PRDM11: variants seen among roughly 807,000 people sequenced by gnomAD.
PRDM11 encodes the protein PR domain-containing protein 11.
A neutral mutation model predicts 97.8 loss-of-function variants in PRDM11; 20 were observed. The ratio of observed to expected loss-of-function variants is 0.20; its 90% CI spans 0.14 to 0.30. PRDM11 has a LOEUF of 0.30. Ranked by LOEUF, PRDM11 falls within the 10% of genes least tolerant of loss-of-function variation. The pLI, the probability that PRDM11 is intolerant of heterozygous loss-of-function variation, is 1.00. For missense variants in PRDM11, 1,139 were observed against 1,555.2 expected, an observed-to-expected ratio of 0.73 and a Z score of 4.50; for synonymous variants, 599 against 637.7, an observed-to-expected ratio of 0.94 and a Z score of 0.91.
chr11:45,167,435 G>A (rs982852377), intron 1 of PRDM11, among the ~76,000 whole-genome samples: 1 of 152,128 alleles, frequency 6.6e-6, no homozygotes, highest in Admixed American at 6.5e-5. Context: ...AGGATCATCA[G>A]TAGGGATTAC....
upstream of PRDM11, among the ~76,000 whole-genome samples, chr11:45,145,979 C>T (rs2135673300): frequency 6.6e-6 from 1 of 152,320 alleles, no homozygotes; most frequent in Non-Finnish European, 1.5e-5. Flanking sequence ...TTTTCCAAGC[C>T]AGCCAGGGAC....
At chr11:45,144,348 T>C (rs745897022), upstream of PRDM11, among the ~76,000 whole-genome samples, 2 of 152,216 alleles carry the variant, frequency 1.3e-5, no homozygotes, top group Non-Finnish European at 2.9e-5. Context: ...AGTCCCAGTG[T>C]GACGCCTGAA....
upstream of PRDM11, among the ~76,000 whole-genome samples, chr11:45,141,704 G>A (rs953987447): frequency 5.9e-5 from 9 of 152,152 alleles, no homozygotes; most frequent in Non-Finnish European, 1.5e-5. Flanking sequence ...AGCTCTGTTG[G>A]ATCCAGCCAC....
At chr11:45,191,564 G>A (rs1235007907) in intron 4 of PRDM11, among the ~76,000 whole-genome samples, 2 of 152,102 alleles carry the variant, frequency 1.3e-5, no homozygotes, top group African/African-American at 4.8e-5. Flanking sequence ...TCATTTTGAT[G>A]TTTAAATTGC....
chr11:45,194,685 G>A (rs1853049587), intron 4 of PRDM11, among the ~76,000 whole-genome samples: 2 of 128,812 alleles, frequency 1.6e-5, no homozygotes, highest in South Asian at 2.8e-4. Context: ...TGCAAGCTCC[G>A]CCTCCCGGGT....
chr11:45,146,918 C>T (rs1215528240), intron 1 of PRDM11, 41 bp downstream of exon 1: 1 of 146,234 alleles, frequency 6.8e-6, no homozygotes, highest in Non-Finnish European at 1.5e-5. Context: ...TTGAAAATGG[C>T]TTCGGAGAGC....
intron 1 of PRDM11, among the ~76,000 whole-genome samples, chr11:45,139,288 G>GTT (rs1852944867): frequency 6.6e-6 from 1 of 152,202 alleles, no homozygotes; most frequent in Non-Finnish European, 1.5e-5. Flanking sequence ...TGGGCAAAAT[G>GTT]TTTTAGGCAG....
At position 45,101,664 on chromosome 11, in the gene PRDM11, G is replaced by A. The variant is rs1056773348; in HGVS notation, c.96+5763G>A. Among the ~76,000 whole-genome samples, 242 of 143,880 alleles carry A rather than the reference G, an allele frequency of 1.7e-3. 6 individuals carry two copies. Among genetic ancestry groups the A allele is most frequent in the Non-Finnish European group, 2.9e-3 (184 of 64,530 alleles). The allele number at this position is 143,880 out of a possible 152,430, so 94.4% of individuals were successfully genotyped here. A position where few individuals can be genotyped will look rare whatever the true frequency, so the allele number is the denominator to read the frequency against. The stretch of plus-strand genomic sequence containing the variant: ...AAGAAGGCGTTCAGGGCTCAGAGCT[G>A]GAGGCTGAGCGGAGGAAGAAGAAGG... On this transcript the variant is annotated intron_variant, in intron 1 of 6. Coordinates refer to the PRDM11 transcript ENST00000530656.
intron 1 of PRDM11, among the ~76,000 whole-genome samples, chr11:45,110,378 G>T (rs1413436009): frequency 6.6e-6 from 1 of 152,116 alleles, no homozygotes; most frequent in Non-Finnish European, 1.5e-5. Flanking sequence ...ACGTAAAAGG[G>T]GGGTGGGGAT....
chr11:45,227,085 C>T lies in PRDM11; in HGVS notation c.2460C>T (p.Gly820=), dbSNP rs530062576. Residue 820 remains glycine (G), a synonymous_variant, in exon 8 of 8, where the codon GGC becomes GGT. Coordinates refer to ENST00000683152, the MANE Select transcript of PRDM11 (RefSeq NM_001384648.1). This position sits in a 1 kb window ranked among gnomAD's most constrained non-coding sequence, Gnocchi z 8.0. The stretch of plus-strand genomic sequence containing the variant: ...TTTGTGAGGAGACAGAGTTCCTGGG[C>T]GATATCCGGGCAGTGCGGTGGATCA... The part of the protein sequence containing the change: ...ATLCEETEFL[G]DIRAVRWIIG... 3.2e-5 allele frequency: 49 copies of T among 1,533,936 alleles called. No individual in the cohort carries two copies. Among genetic ancestry groups the T allele is most frequent in the Middle Eastern group, 4.6e-4 (2 of 4,358 alleles).
Position 45,228,066 on chromosome 11 carries a change from G to C in PRDM11, c.3441G>C (p.Leu1147=), listed in dbSNP as rs988661844. The C allele has an allele frequency of 2.0e-6, 3 of 1,533,754 alleles. No individual in the cohort carries two copies. The highest frequency in any genetic ancestry group is 2.6e-6 in the Non-Finnish European group (3 of 1,146,706). ...FEEKSGNSYA[L]SAEVLSRMSA... ...AGAAGTCTGGGAACAGTTACGCGCT[G>C]TCTGCAGAAGTCCTCAGTAGGATGT... The change falls in exon 8 of 8, where the codon CTG becomes CTC. Residue 1147 remains leucine (L), a synonymous_variant. Coordinates refer to ENST00000683152, the MANE Select transcript of PRDM11 (RefSeq NM_001384648.1).
chr11:45,206,932 G>A (rs957574824), intron 5 of PRDM11, among the ~76,000 whole-genome samples: 7 of 152,322 alleles, frequency 4.6e-5, no homozygotes, highest in East Asian at 1.9e-4. Context: ...CAGGTGAAGC[G>A]TGGCTTCCTG....
At chr11:45,095,986 A>T (rs1321507065) in intron 1 of PRDM11, 4 of 724,096 alleles carry the variant, frequency 5.5e-6, no homozygotes, top group Non-Finnish European at 1.0e-5. Context: ...CTTCCTCCAG[A>T]TCTTTATTCA....
intron 1 of PRDM11, among the ~76,000 whole-genome samples, 152 bp downstream of exon 1, chr11:45,147,029 G>GGGGC (rs1371477673): frequency 2.1e-5 from 3 of 145,688 alleles, no homozygotes; most frequent in Non-Finnish European, 4.6e-5. Context: ...GGCGCGGGGC[G>GGGGC]GGGGTCCGGA....
chr11:45,147,369 C>T (rs1851546485), intron 1 of PRDM11: 1 of 152,038 alleles, frequency 6.6e-6, no homozygotes, highest in Admixed American at 6.5e-5. Flanking sequence ...CTCGGCCCCG[C>T]GCCGGGGGCT....
At position 45,225,107 on chromosome 11, in the gene PRDM11, T is replaced by C. The variant is rs1339713089; in HGVS notation, c.1369+264T>C. The stretch of plus-strand genomic sequence containing the variant: ...CGCTGCAGAAGGGGTGTGTGCTGTG[T>C]TCTTGACCCGTTGCCTTTCTCTGGT... On this transcript the variant is annotated intron_variant, in intron 7 of 7. Transcript: ENST00000683152. 5.6e-6 allele frequency: 8 copies of C among 1,425,126 alleles called. No homozygotes were observed. The Admixed American group carries it at 2.3e-4, about 42-fold the overall frequency. 88.3% of individuals were successfully genotyped at this position (1,425,126 alleles called of 1,614,324 possible).
chr11:45,152,378 C>G (rs1590384405), intron 1 of PRDM11, among the ~76,000 whole-genome samples: 1 of 152,252 alleles, frequency 6.6e-6, no homozygotes, highest in Middle Eastern at 3.4e-3. Flanking sequence ...TGGGTACTTT[C>G]TTGTTTAAAA....
chr11:45,120,440 C>G (rs1055007828), intron 1 of PRDM11, among the ~76,000 whole-genome samples: 1 of 151,852 alleles, frequency 6.6e-6, no homozygotes, highest in Non-Finnish European at 1.5e-5. Context: ...TGCTGAAAGA[C>G]AAAGACAAAG....
At chr11:45,184,949 G>A (rs1852651563) in intron 4 of PRDM11, among the ~76,000 whole-genome samples, 1 of 152,112 alleles carries the variant, frequency 6.6e-6, no homozygotes, top group East Asian at 1.9e-4. Flanking sequence ...TAGAAGGGGA[G>A]CTTGATCCTG....
Sources: allele counts gnomAD v4.1 joint callset (sites outside exome capture counted in the v4.1 genomes callset), GRCh38; gene constraint gnomAD v4.1.1; non-coding constraint Gnocchi (gnomAD v3.1); transcripts MANE v1.5; gene names NCBI Gene and HGNC (gene_info 2026-07-23, HGNC 2026-07-21).